Variants in TYW1 observed in about 807,000 individuals in gnomAD.
TYW1 encodes the protein S-adenosyl-L-methionine-dependent tRNA 4-demethylwyosine synthase TYW1.
A neutral mutation model predicts 96.2 loss-of-function variants in TYW1; 46 were observed. The ratio of observed to expected loss-of-function variants is 0.48; its 90% CI spans 0.38 to 0.61. TYW1 has a LOEUF of 0.61. TYW1 is among the 20% of genes least tolerant of loss of function. The pLI is 0.00. For synonymous variants in TYW1, 274 were observed against 323.0 expected, an observed-to-expected ratio of 0.85 and a Z score of 1.63; for missense variants, 684 against 909.6, an observed-to-expected ratio of 0.75 and a Z score of 3.19.
chr7:67,152,102 C>T (rs1798822057), intron 13 of TYW1, among the ~76,000 whole-genome samples: 1 of 152,128 alleles, frequency 6.6e-6, no homozygotes, highest in African/African-American at 2.4e-5. Flanking sequence ...TGAGCTGCCA[C>T]GCCTGGTCAC....
At position 67,000,253 on chromosome 7, in the gene TYW1, C is replaced by A. The variant is rs71563149; in HGVS notation, c.273+1299C>A. Among the ~76,000 whole-genome samples the A allele has an allele frequency of 3.4e-3, 524 of 151,906 alleles. 2 individuals carry two copies. The highest frequency in any genetic ancestry group is 8.2e-3 in the Admixed American group (124 of 15,186). On this transcript the variant is annotated intron_variant, in intron 3 of 15. Transcript: ENST00000359626. ...GCCCAGTCCCATTCTCTAATTATAT[C>A]TAGATGCTACCTGTTTCTGTGTTAC...
At chr7:67,152,594 T>C (rs1686855879) in intron 13 of TYW1, among the ~76,000 whole-genome samples, 1 of 152,096 alleles carries the variant, frequency 6.6e-6, no homozygotes, top group Admixed American at 6.6e-5. Flanking sequence ...ATTCACAGTT[T>C]TTTGTTTTTT....
chr7:67,041,248 C>T (rs545805152), intron 7 of TYW1, among the ~76,000 whole-genome samples: 3 of 152,192 alleles, frequency 2.0e-5, no homozygotes, highest in African/African-American at 7.2e-5. Flanking sequence ...CTAAACTTGG[C>T]ATTGGAGGTT....
At chr7:67,087,746 A>C (rs1383140294) in intron 11 of TYW1, among the ~76,000 whole-genome samples, 1 of 152,230 alleles carries the variant, frequency 6.6e-6, no homozygotes, top group African/African-American at 2.4e-5. Context: ...TTAGCAAAGC[A>C]GTTTTTCTTG....
At chr7:67,099,471 A>C (rs1447294012) in intron 12 of TYW1, among the ~76,000 whole-genome samples, 1 of 152,222 alleles carries the variant, frequency 6.6e-6, no homozygotes. Flanking sequence ...TTTAGACCAC[A>C]GAATGTGTGA....
chr7:67,064,430 A>T (rs1342571710), intron 9 of TYW1, among the ~76,000 whole-genome samples: 2 of 152,186 alleles, frequency 1.3e-5, no homozygotes, highest in Non-Finnish European at 2.9e-5. Context: ...AAAAATGCAA[A>T]AGCTGTTCTG....
intron 15 of TYW1, among the ~76,000 whole-genome samples, chr7:67,197,952 T>TCCC (rs1563067011): frequency 1.6e-5 from 2 of 125,972 alleles, no homozygotes; most frequent in African/African-American, 3.1e-5. Context: ...CTCCCTTCCC[T>TCCC]ACCCCTGCCC....
intron 13 of TYW1, among the ~76,000 whole-genome samples, chr7:67,134,945 C>CAA (rs55746054): frequency 0.01 from 667 of 66,326 alleles, 14 homozygotes; most frequent in Middle Eastern, 0.029. Flanking sequence ...CTTTCTCTAC[C>CAA]AAAAAAAAAA....
intron 7 of TYW1, among the ~76,000 whole-genome samples, chr7:67,041,080 T>A (rs1400391666): frequency 6.6e-6 from 1 of 152,164 alleles, no homozygotes; most frequent in Admixed American, 6.5e-5. Flanking sequence ...CTCATAAAAA[T>A]CTCTCATAAA....
chr7:67,061,871 A>G (rs940004155), intron 9 of TYW1, among the ~76,000 whole-genome samples: 1 of 152,210 alleles, frequency 6.6e-6, no homozygotes, highest in Non-Finnish European at 1.5e-5. Context: ...TCTGTAAGAC[A>G]AAATATTTTA....
At position 67,161,731 on chromosome 7, in the gene TYW1, G is replaced by C. The variant is rs71563176; in HGVS notation, c.1699-21395G>C. Among the ~76,000 whole-genome samples, 1,105 of 152,178 alleles carry C rather than the reference G, an allele frequency of 7.3e-3. 12 individuals are homozygous for C. The highest frequency in any genetic ancestry group is 0.048 in the Middle Eastern group (14 of 292). ...GATAAAGAAGGATTTTGCATGGAAG[G>C]CTTAATTTTTGGCATCCTAATGTTA... On this transcript the variant is annotated intron_variant, in intron 13 of 15. Transcript: ENST00000359626.
At chr7:67,184,750 C>G (rs1431999692) in intron 14 of TYW1, among the ~76,000 whole-genome samples, 2 of 150,502 alleles carry the variant, frequency 1.3e-5, no homozygotes, top group Middle Eastern at 3.2e-3. Context: ...CTCTGTCACC[C>G]AGGCTGGAGT....
intron 10 of TYW1, 49 bp downstream of exon 10, chr7:67,067,452 G>A: frequency 1.2e-6 from 2 of 1,600,908 alleles, no homozygotes; most frequent in Non-Finnish European, 1.7e-6. Flanking sequence ...ATGAGCTGTG[G>A]TAATCAATCT....
At chr7:67,125,585 G>T (rs551970742) in intron 13 of TYW1, among the ~76,000 whole-genome samples, 2 of 152,192 alleles carry the variant, frequency 1.3e-5, no homozygotes, top group African/African-American at 4.8e-5. Context: ...ATCAGCCATG[G>T]TCTGTATTTT....
At chr7:67,130,288 G>A (rs1214567754) in intron 13 of TYW1, among the ~76,000 whole-genome samples, 1 of 152,054 alleles carries the variant, frequency 6.6e-6, no homozygotes, top group Non-Finnish European at 1.5e-5. Flanking sequence ...GGCTGAGGCA[G>A]GAGAATCACC....
intron 13 of TYW1, among the ~76,000 whole-genome samples, chr7:67,137,634 T>C (rs1215984204): frequency 6.6e-6 from 1 of 152,126 alleles, no homozygotes; most frequent in African/African-American, 2.4e-5. Flanking sequence ...TAAACAAGAC[T>C]CTGGGAGGTG....
At chr7:67,187,369 T>C (rs1254615003) in intron 14 of TYW1, among the ~76,000 whole-genome samples, 1 of 152,132 alleles carries the variant, frequency 6.6e-6, no homozygotes, top group East Asian at 1.9e-4. Context: ...TGGCTTAAAA[T>C]AAATATTTTG....
intron 11 of TYW1, among the ~76,000 whole-genome samples, chr7:67,085,828 G>A (rs1796532460): frequency 6.6e-6 from 1 of 151,950 alleles, no homozygotes; most frequent in Non-Finnish European, 1.5e-5. Flanking sequence ...AATTAGCCAG[G>A]CATGGTGGTG....
At position 67,136,488 on chromosome 7, in the gene TYW1, T is replaced by C. The variant is rs578224273; in HGVS notation, c.1698+18870T>C. On this transcript the variant is annotated intron_variant, in intron 13 of 15. Transcript: ENST00000359626. ...CTTCTATTATAAATTGGCTTTTTTT[T>C]CACATGAGAAGAAAATTGTTTTGTA... Among the ~76,000 whole-genome samples the C allele has an allele frequency of 1.6e-3, 235 of 151,502 alleles. 1 individual carries two copies. The highest frequency in any genetic ancestry group is 5.5e-3 in the African/African-American group (229 of 41,424).
Sources: gnomAD v4.1 joint callset for allele counts (sites outside exome capture counted in the v4.1 genomes callset) on GRCh38, gnomAD v4.1.1 for gene constraint, MANE v1.5 for transcripts, NCBI Gene and HGNC (gene_info 2026-07-23, HGNC 2026-07-21) for gene names.